CNTNAP3: variants seen among roughly 807,000 people sequenced by gnomAD.
CNTNAP3 encodes the protein contactin-associated protein-like 3.
A neutral mutation model predicts 92.1 loss-of-function variants in CNTNAP3; 36 were observed. That is an observed-to-expected ratio of 0.39 (90% CI 0.30 to 0.52). The LOEUF (loss-of-function observed/expected upper bound fraction) is 0.52. Among genes scored for constraint, CNTNAP3 ranks in the 20% least tolerant of loss-of-function variants. The probability of loss-of-function intolerance (pLI) is 0.76; values close to 1 mark genes in which losing one functional copy is unlikely to be tolerated. For missense variants in CNTNAP3, 534 were observed against 1,069.6 expected (o/e 0.50, Z 6.98); for synonymous variants, 232 against 422.3 (o/e 0.55, Z 5.53).
intron 2 of CNTNAP3, among the ~76,000 whole-genome samples, chr9:39,248,576 T>C (rs1270972054): frequency 6.2e-5 from 1 of 16,254 alleles, no homozygotes; most frequent in African/African-American, 1.4e-4. Context: ...ATTTTTGCAT[T>C]TACTTTTTTT....
intron 23 of CNTNAP3, among the ~76,000 whole-genome samples, chr9:39,076,244 A>G (rs1181296351): frequency 6.6e-6 from 1 of 152,310 alleles, no homozygotes; most frequent in African/African-American, 2.4e-5. Flanking sequence ...AAAGCTGGGT[A>G]CTAACCCTGA....
rs919127369 is a variant in CNTNAP3 at position 39,072,648 on chromosome 9, A to G, written c.*1242T>C. 1 of 152,160 alleles carries G rather than the reference A, an allele frequency of 6.6e-6. No homozygotes were observed. Among genetic ancestry groups the G allele is most frequent in the African/African-American group, 2.4e-5 (1 of 41,456 alleles). 9.4% of individuals were successfully genotyped at this position (152,160 alleles called of 1,614,324 possible). A position where few individuals can be genotyped will look rare whatever the true frequency, so the allele number is the denominator to read the frequency against. On this transcript the variant is annotated 3_prime_UTR_variant, in exon 24 of 24. Transcript: ENST00000297668. Reference sequence around the variant, plus strand: ...ATTTAATAAACATCATGTAAATGCTAACTTAACTTGGAGTGAACAGTCTTC... The same window carrying G: ...ATTTAATAAACATCATGTAAATGCTGACTTAACTTGGAGTGAACAGTCTTC...
Position 39,133,045 on chromosome 9 carries a change from G to T in CNTNAP3, c.1967C>A (p.Ser656Tyr). The T allele has an allele frequency of 6.4e-7, 1 of 1,552,346 alleles. No individual in the cohort carries two copies. Among genetic ancestry groups the T allele is most frequent in the South Asian group, 1.2e-5 (1 of 85,386 alleles). ...APSGHPRSAV[S>Y]FAYAAGAGQL... The stretch of plus-strand genomic sequence containing the variant: ...CCCCGCGCCCGCTGCGTACGCGAAG[G>T]ACACAGCCGAGCGCGGGTGCCCGCT... The change falls in exon 13 of 24, where the codon TCC becomes TAC. Residue 656 changes from serine to tyrosine, a missense_variant. By Grantham distance (144) the Ser-to-Tyr change is moderately radical. Transcript: ENST00000297668.
chr9:39,081,658 C>G (rs1015952413), intron 21 of CNTNAP3, among the ~76,000 whole-genome samples: 16 of 149,934 alleles, frequency 1.1e-4, no homozygotes, highest in Admixed American at 6.0e-4. Flanking sequence ...GAAGTCATGC[C>G]AAATAGACAG....
At chr9:39,162,731 C>A (rs1202858155) in intron 9 of CNTNAP3, among the ~76,000 whole-genome samples, 1 of 141,212 alleles carries the variant, frequency 7.1e-6, no homozygotes, top group Non-Finnish European at 1.5e-5. Context: ...AACCAAATAC[C>A]ATGTATTCTG....
At position 39,068,164 on chromosome 9, in the gene CNTNAP3, C is replaced by G. The variant is rs1260796033; in HGVS notation, c.*5726G>C. 6.6e-6 allele frequency among the ~76,000 whole-genome samples: 1 copy of G among 152,164 alleles called. No individual in the cohort carries two copies. The highest frequency in any genetic ancestry group is 2.4e-5 in the African/African-American group (1 of 41,436). On this transcript the variant is annotated 3_prime_UTR_variant, in exon 24 of 24. Transcript: ENST00000297668. ...CCTGTGATACCAGCGCTTTAGGAGG[C>G]TGAGGTGGGCAGATCATGAGATCCA...
In CNTNAP3 at chr9:39,067,700, G is replaced by A; in HGVS notation, c.*6190C>T. 6.6e-6 allele frequency among the ~76,000 whole-genome samples: 1 copy of A among 152,308 alleles called. No individual in the cohort carries two copies. The highest frequency in any genetic ancestry group is 2.4e-5 in the African/African-American group (1 of 41,486). On this transcript the variant is annotated 3_prime_UTR_variant, in exon 24 of 24. Coordinates refer to ENST00000297668, the MANE Select transcript of CNTNAP3 (RefSeq NM_033655.5). ...CATGAGCCACTGTGCCCGGCCTGGTGTTGGATAGTTTTATGTTACTGGAAA... is the reference window on the plus strand; with the variant it reads ...CATGAGCCACTGTGCCCGGCCTGGTATTGGATAGTTTTATGTTACTGGAAA...
At chr9:39,149,644 A>G (rs912996573) in intron 10 of CNTNAP3, among the ~76,000 whole-genome samples, 162 bp downstream of exon 10, 29 of 152,064 alleles carry the variant, frequency 1.9e-4, no homozygotes, top group Non-Finnish European at 3.8e-4. Context: ...CGCCCGGCCA[A>G]GATGAAGTTT....
chr9:39,148,289 A>G (rs1821751950), intron 10 of CNTNAP3, among the ~76,000 whole-genome samples: 1 of 152,200 alleles, frequency 6.6e-6, no homozygotes, highest in Admixed American at 6.5e-5. Flanking sequence ...CCTACAAATC[A>G]ACAGAATGTT....
chr9:39,103,618 G>GA (rs1319254329), intron 16 of CNTNAP3, 126 bp downstream of exon 16: 2 of 1,140,660 alleles, frequency 1.8e-6, no homozygotes, highest in African/African-American at 3.2e-5. Flanking sequence ...TAAAATCATA[G>GA]AAGTTTAGTA....
rs576243089 is a variant in CNTNAP3 at position 39,108,139 on chromosome 9, T to C, written c.2365+1021A>G. On this transcript the variant is annotated intron_variant, in intron 15 of 23. Transcript: ENST00000297668. The stretch of plus-strand genomic sequence containing the variant: ...AATATTTGCATTGGTTCCCCCTATC[T>C]CCAAATTTCACAGGGCAACACAATC... Among the ~76,000 whole-genome samples the C allele has an allele frequency of 5.3e-5, 8 of 152,116 alleles. 1 individual carries two copies. Among genetic ancestry groups the C allele is most frequent in the Middle Eastern group, 6.8e-3 (2 of 294 alleles).
intron 13 of CNTNAP3, among the ~76,000 whole-genome samples, chr9:39,127,914 C>A (rs532546706): frequency 1.8e-4 from 28 of 152,226 alleles, no homozygotes; most frequent in East Asian, 1.7e-3. Flanking sequence ...TCTTGGCTCA[C>A]TGCAACCTCT....
chr9:39,146,176 C>A lies in CNTNAP3; in HGVS notation c.1650-1830G>T, dbSNP rs538157449. Among the ~76,000 whole-genome samples the A allele has an allele frequency of 8.2e-4, 125 of 152,142 alleles. 1 individual carries two copies. Among genetic ancestry groups the A allele is most frequent in the African/African-American group, 2.9e-3 (120 of 41,504 alleles). On this transcript the variant is annotated intron_variant, in intron 10 of 23. Coordinates refer to ENST00000297668, the MANE Select transcript of CNTNAP3 (RefSeq NM_033655.5). ...TACAAATAATAGAGGAAGTAGCTAG[C>A]ATGCAGAAGACCAACAGAGGGGAAG...
Position 39,066,883 on chromosome 9 carries a change from T to C in CNTNAP3, c.*7007A>G, listed in dbSNP as rs1382150674. Reference sequence around the variant, plus strand: ...GGGGATGTTGAGCTGGGTCTGTGGGTTTATAGTTTGCATCAAATGTGGAAA... The same window carrying C: ...GGGGATGTTGAGCTGGGTCTGTGGGCTTATAGTTTGCATCAAATGTGGAAA... On this transcript the variant is annotated 3_prime_UTR_variant, in exon 24 of 24. Transcript: ENST00000297668. Among the ~76,000 whole-genome samples, 2 of 152,246 alleles carry C rather than the reference T, an allele frequency of 1.3e-5. No individual in the cohort carries two copies.
chr9:39,076,395 G>A (rs75295825), intron 23 of CNTNAP3, among the ~76,000 whole-genome samples: 1 of 152,142 alleles, frequency 6.6e-6, no homozygotes, highest in African/African-American at 2.4e-5. Flanking sequence ...AATTGAACAC[G>A]AAAGTACACC....
At chr9:39,138,483 A>C (rs886895205) in intron 12 of CNTNAP3, among the ~76,000 whole-genome samples, 1 of 152,242 alleles carries the variant, frequency 6.6e-6, no homozygotes, top group African/African-American at 2.4e-5. Context: ...AAAACAAGAA[A>C]ACAAAACACC....
At chr9:39,109,099 T>C (rs1826678188) in intron 15 of CNTNAP3, 61 bp downstream of exon 15, 1 of 1,562,178 alleles carries the variant, frequency 6.4e-7, no homozygotes, top group African/African-American at 1.4e-5. Context: ...GGCATTTGTC[T>C]ACTCTTTTAT....
rs1825540227 is a variant in CNTNAP3, at chr9:39,067,694, C to A, written c.*6196G>T. On this transcript the variant is annotated 3_prime_UTR_variant, in exon 24 of 24. Coordinates refer to ENST00000297668, the MANE Select transcript of CNTNAP3 (RefSeq NM_033655.5). The stretch of plus-strand genomic sequence containing the variant: ...TACAGGCATGAGCCACTGTGCCCGG[C>A]CTGGTGTTGGATAGTTTTATGTTAC... Among the ~76,000 whole-genome samples, 1 of 152,304 alleles carries A rather than the reference C, an allele frequency of 6.6e-6. No homozygotes were observed. The highest frequency in any genetic ancestry group is 2.4e-5 in the African/African-American group (1 of 41,480).
At chr9:39,119,519 T>G (rs1820951609) in intron 13 of CNTNAP3, among the ~76,000 whole-genome samples, 1 of 152,160 alleles carries the variant, frequency 6.6e-6, no homozygotes, top group Non-Finnish European at 1.5e-5. Context: ...ACTTCACCAT[T>G]AAACTGTCGC....
Sources: gnomAD v4.1 joint callset for allele counts (sites outside exome capture counted in the v4.1 genomes callset) on GRCh38, gnomAD v4.1.1 for gene constraint, MANE v1.5 for transcripts, NCBI Gene and HGNC (gene_info 2026-07-23, HGNC 2026-07-21) for gene names.